The following NRL variants were observed in gnomAD, a reference collection of about 807,000 sequenced individuals.
NRL encodes the protein neural retina leucine zipper.
A neutral mutation model predicts 12.5 loss-of-function variants in NRL; 16 were observed. That is an observed-to-expected ratio of 1.28 (90% CI 0.87 to 1.95). The LOEUF (loss-of-function observed/expected upper bound fraction) is 1.95, where lower values mean the gene tolerates loss of function less well. Ranked by LOEUF, NRL falls within the 30% of genes most tolerant of loss-of-function variation. NRL has a pLI of 0.00. For missense variants in NRL, 314 were observed against 325.8 expected (o/e 0.96, Z 0.28); for synonymous variants, 142 against 150.9 (o/e 0.94, Z 0.43).
intron 1 of NRL, chr14:24,097,248 A>G: frequency 1.9e-6 from 2 of 1,033,022 alleles, no homozygotes; most frequent in Non-Finnish European, 2.9e-6. Context: ...CAAGAATGAG[A>G]GCTTTGGGGT....
intron 1 of NRL, chr14:24,098,091 G>A: frequency 3.5e-6 from 3 of 848,360 alleles, no homozygotes; most frequent in South Asian, 3.6e-5. Context: ...ATTGGGTGGG[G>A]AAACATAAGG....
chr14:24,100,003 C>T lies in NRL; in HGVS notation c.-28+14719G>A, dbSNP rs750677484. The T allele has an allele frequency of 1.3e-4, 208 of 1,614,052 alleles. 1 individual carries two copies. In the Admixed American group the frequency reaches 1.8e-3, roughly 14 times the overall value. On this transcript the variant is annotated intron_variant, in intron 1 of 2. Transcript: ENST00000561028. ...TTCACTTCTCCTAACAGGTCGACTC[C>T]GGGCCATCAACCCTGAGAACGGCTT...
chr14:24,100,184 C>A (rs773753888), intron 1 of NRL: 9 of 1,614,072 alleles, frequency 5.6e-6, no homozygotes, highest in Non-Finnish European at 6.8e-6. Context: ...GTTACTGTGA[C>A]CTCCTGGCTG....
chr14:24,099,563 G>A (rs773352352), intron 1 of NRL: 1 of 1,591,094 alleles, frequency 6.3e-7, no homozygotes, highest in South Asian at 1.2e-5. Context: ...CACAGATCCT[G>A]GGCATCACCA....
chr14:24,092,505 C>T (rs1426121664), intron 1 of NRL, among the ~76,000 whole-genome samples: 2 of 152,232 alleles, frequency 1.3e-5, no homozygotes, highest in African/African-American at 4.8e-5. Context: ...GTCAACCATG[C>T]TGCCACCAGT....
chr14:24,101,645 G>A (rs193158366), intron 1 of NRL, among the ~76,000 whole-genome samples: 155 of 152,342 alleles, frequency 1.0e-3, no homozygotes, highest in African/African-American at 3.1e-3. Flanking sequence ...ATTCCTTGCA[G>A]GGCACAGTGA....
At chr14:24,105,613 A>C (rs1284437099) in intron 1 of NRL, among the ~76,000 whole-genome samples, 4 of 152,260 alleles carry the variant, frequency 2.6e-5, no homozygotes. Context: ...CTACAACTGC[A>C]AGGACCTTAG....
chr14:24,104,809 CT>C (rs1402884310), intron 1 of NRL, among the ~76,000 whole-genome samples: 1 of 152,194 alleles, frequency 6.6e-6, no homozygotes, highest in African/African-American at 2.4e-5. Flanking sequence ...CGAATTTGTT[CT>C]TCCCCCTGCC....
chr14:24,081,832 GC>G lies in NRL; in HGVS notation c.382-265del. 7.0e-7 allele frequency: 1 copy of G among 1,427,084 alleles called. No individual in the cohort carries two copies. The highest frequency in any genetic ancestry group is 9.2e-7 in the Non-Finnish European group (1 of 1,092,302). The allele number at this position is 1,427,084 out of a possible 1,614,324, so 88.4% of individuals were successfully genotyped here. On this transcript the variant is annotated intron_variant, in intron 2 of 2. Coordinates refer to ENST00000561028, the MANE Select transcript of NRL (RefSeq NM_001354768.3). The surrounding 1 kb of genome is among the most constrained non-coding windows in gnomAD (Gnocchi z 4.4). ...GGCCACGGTCAGGCGAGCCCGTCGC[GC>G]ACCTAAACCCCGGGCTCGTCTCTGG...
Position 24,103,223 on chromosome 14 carries a change from G to A in NRL, c.-28+11499C>T, listed in dbSNP as rs148839304. 107 of 1,613,804 alleles carry A rather than the reference G, an allele frequency of 6.6e-5. No individual in the cohort carries two copies. The highest frequency in any genetic ancestry group is 1.6e-4 in the Middle Eastern group (1 of 6,084). On this transcript the variant is annotated intron_variant, in intron 1 of 2. Coordinates refer to ENST00000561028, the MANE Select transcript of NRL (RefSeq NM_001354768.3). ...GGGGTGTTTGTGGGCAGCGCCATGC[G>A]CTCTGAGTCCACTGCTGCAGCAGAA...
rs2857584 is a variant in NRL at position 24,099,921 on chromosome 14, A to G, written c.-28+14801T>C. 1.9e-6 allele frequency: 3 copies of G among 1,613,330 alleles called. No individual in the cohort carries two copies. In the South Asian group the frequency reaches 3.3e-5, roughly 18 times the overall value. Reference sequence around the variant, plus strand: ...TCCATCTCAGGACAGGGGTGGGTGGAGCAGGACCTTCTTTGGTCTTACATC... The same window carrying G: ...TCCATCTCAGGACAGGGGTGGGTGGGGCAGGACCTTCTTTGGTCTTACATC... On this transcript the variant is annotated intron_variant, in intron 1 of 2. Coordinates refer to ENST00000561028, the MANE Select transcript of NRL (RefSeq NM_001354768.3).
At chr14:24,089,859 T>A (rs935120688) in intron 1 of NRL, among the ~76,000 whole-genome samples, 2 of 151,944 alleles carry the variant, frequency 1.3e-5, no homozygotes, top group Non-Finnish European at 1.5e-5. Flanking sequence ...AGAAACAACA[T>A]ATGCAAAGGT....
At chr14:24,098,941 G>A in intron 1 of NRL, 2 of 857,542 alleles carry the variant, frequency 2.3e-6, no homozygotes, top group Admixed American at 2.1e-5. Flanking sequence ...ACCTCTTGGT[G>A]CTGCTACTGC....
intron 1 of NRL, chr14:24,098,944 G>A (rs948590635): frequency 3.1e-5 from 27 of 878,090 alleles, no homozygotes; most frequent in Admixed American, 2.5e-4. Flanking sequence ...TCTTGGTGCT[G>A]CTACTGCTCC....
At chr14:24,106,164 A>G (rs928757135) in intron 1 of NRL, among the ~76,000 whole-genome samples, 3 of 152,234 alleles carry the variant, frequency 2.0e-5, no homozygotes, top group African/African-American at 7.2e-5. Flanking sequence ...CACATGAGTC[A>G]GGGGCATCAG....
Position 24,082,732 on chromosome 14 carries a change from C to G in NRL, c.117G>C (p.Leu39=). ...EGRPGPPTAS[L]GSTPYSSVPP... The stretch of plus-strand genomic sequence containing the variant: ...GCACTGAGCTGTAAGGTGTGGAGCC[C>G]AGTGAGGCTGTAGGGGGGCCAGGTC... Residue 39 remains leucine (L), a synonymous_variant, in exon 2 of 3, where the codon CTG becomes CTC. Coordinates refer to ENST00000561028, the MANE Select transcript of NRL (RefSeq NM_001354768.3). 6.2e-7 allele frequency: 1 copy of G among 1,614,190 alleles called. No homozygotes were observed. The highest frequency in any genetic ancestry group is 8.5e-7 in the Non-Finnish European group (1 of 1,180,038).
chr14:24,097,940 T>C (rs1012615501), intron 1 of NRL, among the ~76,000 whole-genome samples: 1 of 152,054 alleles, frequency 6.6e-6, no homozygotes. Flanking sequence ...AAGAAGCTGA[T>C]ATAAATAAGA....
At position 24,108,462 on chromosome 14, in the gene NRL, C is replaced by G. The variant is rs976831598; in HGVS notation, c.-28+6260G>C. Among the ~76,000 whole-genome samples, 3 of 151,702 alleles carry G rather than the reference C, an allele frequency of 2.0e-5. No homozygotes were observed. The East Asian group carries it at 5.8e-4, about 29-fold the overall frequency. ...AAATGATCCTCTTGCCTCAGCCTCCCGAGTAGCTACAGGTGTAAGCCACCA... is the reference window on the plus strand; with the variant it reads ...AAATGATCCTCTTGCCTCAGCCTCCGGAGTAGCTACAGGTGTAAGCCACCA... On this transcript the variant is annotated intron_variant, in intron 1 of 2. Coordinates refer to ENST00000561028, the MANE Select transcript of NRL (RefSeq NM_001354768.3).
intron 1 of NRL, among the ~76,000 whole-genome samples, chr14:24,105,529 A>C (rs982987990): frequency 1.3e-5 from 2 of 152,280 alleles, no homozygotes; most frequent in African/African-American, 4.8e-5. Flanking sequence ...AAAGCTTCAC[A>C]GTTAGTAAAC....
Sources: gnomAD v4.1 joint callset for allele counts (sites outside exome capture counted in the v4.1 genomes callset) on GRCh38, gnomAD v4.1.1 for gene constraint, Gnocchi (gnomAD v3.1) non-coding constraint, MANE v1.5 for transcripts, NCBI Gene and HGNC (gene_info 2026-07-23, HGNC 2026-07-21) for gene names.